MYO18B: variants seen among roughly 807,000 people sequenced by gnomAD.
The protein encoded by MYO18B is unconventional myosin-XVIIIb.
MYO18B carries 204 observed loss-of-function variants against 273.0 expected under a neutral mutation model. That is an observed-to-expected ratio of 0.75 (90% CI 0.67 to 0.84). MYO18B has a LOEUF of 0.84. Ranked by LOEUF, MYO18B falls within the 40% of genes least tolerant of loss-of-function variation. The pLI, the probability that MYO18B is intolerant of heterozygous loss-of-function variation, is 0.00. For synonymous variants in MYO18B, 1,330 were observed against 1,305.7 expected (o/e 1.02, Z -0.40); for missense variants, 3,212 against 3,287.6 (o/e 0.98, Z 0.56).
intron 25 of MYO18B, among the ~76,000 whole-genome samples, chr22:25,889,468 C>T (rs1241899558): frequency 6.6e-6 from 1 of 152,104 alleles, no homozygotes; most frequent in Non-Finnish European, 1.5e-5. Context: ...CATTTTACAG[C>T]TCAGGTGACC....
chr22:25,806,543 G>A (rs942396916), intron 12 of MYO18B, among the ~76,000 whole-genome samples: 3 of 152,208 alleles, frequency 2.0e-5, no homozygotes, highest in African/African-American at 7.2e-5. Flanking sequence ...GCGGGAGGGG[G>A]CTCTGAGGGC....
chr22:25,823,770 A>G, intron 13 of MYO18B, 92 bp downstream of exon 13: 8 of 1,383,814 alleles, frequency 5.8e-6, no homozygotes, highest in Non-Finnish European at 8.0e-6. Flanking sequence ...TTTATCAAAG[A>G]TTTGTTAAGG....
In MYO18B at chr22:25,972,958, G is replaced by GA. The variant is rs66647025; in HGVS notation, c.6156+17613dup. ...GTGACAAAGTGACTCTGTCTCAAAG[G>GA]AAAAAAAAAAAAAAAAAAAGAGATA... is the stretch of plus-strand genomic sequence containing the variant. On this transcript the variant is annotated intron_variant, in intron 39 of 43. Transcript: ENST00000335473. Among the ~76,000 whole-genome samples, 321 of 80,574 alleles carry GA rather than the reference G, an allele frequency of 4.0e-3. 1 individual carries two copies. Among genetic ancestry groups the GA allele is most frequent in the Admixed American group, 7.6e-3 (52 of 6,864 alleles). 52.9% of individuals were successfully genotyped at this position (80,574 alleles called of 152,430 possible). A position where few individuals can be genotyped will look rare whatever the true frequency, so the allele number is the denominator to read the frequency against.
intron 34 of MYO18B, among the ~76,000 whole-genome samples, chr22:25,922,427 GA>G (rs2092361415): frequency 6.6e-6 from 1 of 152,138 alleles, no homozygotes; most frequent in African/African-American, 2.4e-5. Flanking sequence ...GCCTTGCGGA[GA>G]GATGTCCCAA....
intron 39 of MYO18B, among the ~76,000 whole-genome samples, chr22:25,989,626 CAAAAAAAA>C (rs56004208): frequency 0.17 from 14,747 of 88,474 alleles, 455 homozygotes; most frequent in African/African-American, 0.21. Flanking sequence ...ACTAAAAATA[CAAAAAAAA>C]AAAAAAAAAA....
intron 29 of MYO18B, 106 bp from the exon 30 acceptor site, chr22:25,902,507 T>C: frequency 7.7e-7 from 1 of 1,298,548 alleles, no homozygotes; most frequent in East Asian, 2.6e-5. Context: ...TTTCTAATGG[T>C]TCTTGGGAAA....
rs527522004 is a variant in MYO18B at position 25,743,829 on chromosome 22, T to C, written c.-110+1536T>C. On this transcript the variant is annotated intron_variant, in intron 1 of 43. Transcript: ENST00000335473. Reference sequence around the variant, plus strand: ...GGGTTGGGCTAGACCACCTCTGGGATCTTTCCTAGGATTCAGCATCCAGGA... The same window carrying C: ...GGGTTGGGCTAGACCACCTCTGGGACCTTTCCTAGGATTCAGCATCCAGGA... Among the ~76,000 whole-genome samples, 7 of 152,338 alleles carry C rather than the reference T, an allele frequency of 4.6e-5. No homozygotes were observed. In the East Asian group the frequency reaches 1.3e-3, roughly 29 times the overall value.
chr22:26,058,505 TA>T, the MYO18B span, among the ~76,000 whole-genome samples: 1 of 152,174 alleles, frequency 6.6e-6, no homozygotes, highest in Non-Finnish European at 1.5e-5. Flanking sequence ...GGGACTGCAA[TA>T]GTTTGAATGT....
chr22:25,770,846 C>T, intron 5 of MYO18B, 26 bp from the exon 6 acceptor site: 2 of 1,521,984 alleles, frequency 1.3e-6, no homozygotes, highest in Non-Finnish European at 1.8e-6. Context: ...CCCCGTTCCC[C>T]TTCTCTCTCT....
In MYO18B at chr22:25,772,481, C is replaced by T. The variant is rs190314042; in HGVS notation, c.1840C>T (p.Arg614Trp). The change falls in exon 7 of 44, where the codon CGG (arginine) becomes TGG (tryptophan). Residue 614 changes from arginine to tryptophan, a missense_variant. By Grantham distance (101) the Arg-to-Trp change is moderately radical (BLOSUM62 -3). Coordinates refer to ENST00000335473, the MANE Select transcript of MYO18B (RefSeq NM_032608.7). ...TGPDLIVLQP[R>W]GPSVPSAGKV... The stretch of plus-strand genomic sequence containing the variant: ...GCCTGATCTGATTGTCCTCCAGCCC[C>T]GGGGGCCCTCGGTGCCTTCTGCAGG... 1.1e-4 allele frequency: 183 copies of T among 1,613,874 alleles called. No homozygotes were observed. Among genetic ancestry groups the T allele is most frequent in the Middle Eastern group, 8.4e-4 (5 of 5,984 alleles).
At chr22:25,774,512 A>G (rs561463551) in intron 7 of MYO18B, among the ~76,000 whole-genome samples, 5 of 152,328 alleles carry the variant, frequency 3.3e-5, no homozygotes. Flanking sequence ...AAAGCGCCAA[A>G]AGATGCAGGC....
chr22:25,997,738 A>G (rs1933446736), intron 40 of MYO18B, among the ~76,000 whole-genome samples: 2 of 152,142 alleles, frequency 1.3e-5, no homozygotes, highest in Non-Finnish European at 2.9e-5. Context: ...CACCGTCCAT[A>G]GCAGAACCCC....
At chr22:25,964,297 C>T (rs565636055) in intron 39 of MYO18B, 5 of 152,232 alleles carry the variant, frequency 3.3e-5, no homozygotes, top group African/African-American at 7.2e-5. Flanking sequence ...TGAGCCTCAC[C>T]GTTGGAGGTA....
At position 25,898,350 on chromosome 22, in the gene MYO18B, C is replaced by T. The variant is rs140054595; in HGVS notation, c.4712C>T (p.Ala1571Val). The stretch of plus-strand genomic sequence containing the variant: ...GCTTATGACGGGGCCAAGAAGATGG[C>T]TCACCAACTGAAGAGGAAGTGCCAC... Reference protein sequence around the residue: ...QSAYDGAKKMAHQLKRKCHHL... With the variant: ...QSAYDGAKKMVHQLKRKCHHL... Residue 1571 changes from alanine (A) to valine (V), a missense_variant, in exon 29 of 44, where the codon GCT becomes GTT. Transcript: ENST00000335473. 17 of 1,613,918 alleles carry T rather than the reference C, an allele frequency of 1.1e-5. No homozygotes were observed. The East Asian group carries it at 3.6e-4, about 34-fold the overall frequency.
At chr22:25,934,041 G>A (rs549472097) in intron 34 of MYO18B, among the ~76,000 whole-genome samples, 2 of 152,332 alleles carry the variant, frequency 1.3e-5, no homozygotes, top group African/African-American at 4.8e-5. Context: ...TCCGAGGGAA[G>A]GAGAATATTT....
At chr22:25,999,992 G>A (rs902452230) in intron 40 of MYO18B, among the ~76,000 whole-genome samples, 4 of 152,166 alleles carry the variant, frequency 2.6e-5, no homozygotes, top group Non-Finnish European at 5.9e-5. Flanking sequence ...CAAGGGGAGA[G>A]AAAACCACTG....
chr22:26,050,415 C>T, the MYO18B span, among the ~76,000 whole-genome samples: 1 of 152,144 alleles, frequency 6.6e-6, no homozygotes, highest in South Asian at 2.1e-4. Context: ...GCCTCTGTAC[C>T]GGGCTAGGGG....
Position 25,893,218 on chromosome 22 carries a change from AAT to A in MYO18B, c.4543+1809_4543+1810del, listed in dbSNP as rs1423056270. On this transcript the variant is annotated intron_variant, in intron 27 of 43. Transcript: ENST00000335473. ...AGATGGAGTATGAATTATTTAAAAAAATATGTTTTCCTTTATGCATGGCTAAA... is the reference window on the plus strand; with the variant it reads ...AGATGGAGTATGAATTATTTAAAAAAATGTTTTCCTTTATGCATGGCTAAA... 3.9e-5 allele frequency among the ~76,000 whole-genome samples: 6 copies of A among 152,238 alleles called. No homozygotes were observed. In the South Asian group the frequency reaches 6.2e-4, roughly 16 times the overall value.
downstream of MYO18B, among the ~76,000 whole-genome samples, chr22:26,035,976 C>A (rs975705553): frequency 1.8e-4 from 28 of 152,340 alleles, no homozygotes; most frequent in African/African-American, 6.3e-4. Flanking sequence ...ACAGACCCAA[C>A]CCTGTTTCAA....
Sources: allele counts gnomAD v4.1 joint callset (sites outside exome capture counted in the v4.1 genomes callset), GRCh38; gene constraint gnomAD v4.1.1; transcripts MANE v1.5; gene names NCBI Gene and HGNC (gene_info 2026-07-23, HGNC 2026-07-21).